The following ATP10A variants were observed in gnomAD, a reference collection of about 807,000 sequenced individuals.
ATP10A encodes the protein phospholipid-transporting ATPase VA.
A neutral mutation model predicts 147.8 loss-of-function variants in ATP10A; 111 were observed. That is an observed-to-expected ratio of 0.75 (90% CI 0.64 to 0.88). The LOEUF is 0.88. Among genes scored for constraint, ATP10A ranks in the 40% least tolerant of loss-of-function variants. The probability of loss-of-function intolerance (pLI) is 0.00; values close to 1 mark genes in which losing one functional copy is unlikely to be tolerated. For missense variants in ATP10A, 1,927 were observed against 1,959.0 expected (o/e 0.98, Z 0.31); for synonymous variants, 875 against 841.6 (o/e 1.04, Z -0.69).
rs114701060 is a variant in ATP10A at position 25,712,188 on chromosome 15, G to T, written c.2344+1486C>A. Among the ~76,000 whole-genome samples the T allele has an allele frequency of 5.4e-3, 822 of 152,366 alleles. 6 individuals carry two copies. The highest frequency in any genetic ancestry group is 0.019 in the African/African-American group (770 of 41,592). ...TTGGTAATTTTTTGGGGGGGACGGG[G>T]TGGAGTGTGAAATGTGGTCCTTCTT... is the stretch of plus-strand genomic sequence containing the variant. On this transcript the variant is annotated intron_variant, in intron 10 of 20. Coordinates refer to ENST00000555815, the MANE Select transcript of ATP10A (RefSeq NM_024490.4).
chr15:25,769,381 G>A (rs1236455091), intron 2 of ATP10A, among the ~76,000 whole-genome samples: 3 of 151,060 alleles, frequency 2.0e-5, no homozygotes, highest in African/African-American at 7.3e-5. Context: ...CAGCTACTCG[G>A]GAGGCTGAGG....
At chr15:25,806,968 G>C (rs12437514) in intron 1 of ATP10A, among the ~76,000 whole-genome samples, 81,942 of 152,046 alleles carry the variant, frequency 0.54, 23,382 homozygotes, top group East Asian at 0.8. Context: ...TCACACCATT[G>C]TGACCTCAGC....
intron 1 of ATP10A, among the ~76,000 whole-genome samples, chr15:25,832,722 G>T (rs761374910): frequency 6.6e-6 from 1 of 152,134 alleles, no homozygotes; most frequent in Non-Finnish European, 1.5e-5. Flanking sequence ...AACTACAGCT[G>T]GAGAGGAGGG....
chr15:25,714,345 C>T, intron 9 of ATP10A, 104 bp from the exon 10 acceptor site: 1 of 1,019,936 alleles, frequency 9.8e-7, no homozygotes, highest in Non-Finnish European at 1.4e-6. Context: ...GGAACAATGA[C>T]CTCGCTTCCC....
chr15:25,763,649 C>T (rs1888873099), intron 2 of ATP10A, among the ~76,000 whole-genome samples: 1 of 152,248 alleles, frequency 6.6e-6, no homozygotes, highest in African/African-American at 2.4e-5. Flanking sequence ...CAGCAAGACA[C>T]TGATTCTGCA....
chr15:25,797,867 G>A (rs987453136), intron 1 of ATP10A, among the ~76,000 whole-genome samples: 1 of 152,146 alleles, frequency 6.6e-6, no homozygotes, highest in Non-Finnish European at 1.5e-5. Context: ...ACCCTGGGCT[G>A]GCTCCTCGTC....
At chr15:25,804,115 T>G (rs1891063292) in intron 1 of ATP10A, among the ~76,000 whole-genome samples, 1 of 142,350 alleles carries the variant, frequency 7.0e-6, no homozygotes, top group Admixed American at 7.0e-5. Context: ...TGCCTGTGAG[T>G]GTGCGGTGTG....
chr15:25,774,720 A>G (rs1889523275), intron 2 of ATP10A, among the ~76,000 whole-genome samples: 1 of 152,194 alleles, frequency 6.6e-6, no homozygotes, highest in Non-Finnish European at 1.5e-5. Flanking sequence ...GGCCAAACTT[A>G]TATTGCCATG....
chr15:25,786,613 T>C (rs1376415292), intron 1 of ATP10A, among the ~76,000 whole-genome samples: 3 of 126,530 alleles, frequency 2.4e-5, no homozygotes, highest in African/African-American at 5.9e-5. Context: ...GACATCATTA[T>C]CATCTTTTTT....
Position 25,680,308 on chromosome 15 carries a change from T to C in ATP10A, c.3679A>G (p.Thr1227Ala). 6.2e-7 allele frequency: 1 copy of C among 1,613,558 alleles called. No individual in the cohort carries two copies. Among genetic ancestry groups the C allele is most frequent in the Non-Finnish European group, 8.5e-7 (1 of 1,179,706 alleles). ...CCACACGTTATCCAGTTGAGCCAGG[T>C]CTGAGGGGGAATGAGAAAGAAAGGG... ...LHLGIETKTW[T>A]WLNWITCGFS... Residue 1227 changes from threonine (T) to alanine (A), a missense_variant and splice_region_variant, in exon 20 of 21, where the codon ACC becomes GCC. Transcript: ENST00000555815.
At chr15:25,818,487 C>T (rs751785327) in intron 1 of ATP10A, among the ~76,000 whole-genome samples, 4 of 152,058 alleles carry the variant, frequency 2.6e-5, no homozygotes, top group African/African-American at 4.8e-5. Flanking sequence ...GTTCCATGTT[C>T]GTGGACCAGA....
intron 13 of ATP10A, among the ~76,000 whole-genome samples, chr15:25,695,548 G>T (rs1488692080): frequency 6.6e-6 from 1 of 152,176 alleles, no homozygotes; most frequent in Non-Finnish European, 1.5e-5. Context: ...AGAATGGCAT[G>T]AACCTGGGAG....
intron 1 of ATP10A, among the ~76,000 whole-genome samples, chr15:25,815,053 T>C (rs61991503): frequency 0.17 from 25,999 of 152,132 alleles, 2,359 homozygotes; most frequent in South Asian, 0.22. Context: ...CCCAACAGAA[T>C]GTCCTGCTGG....
At chr15:25,746,976 TC>T (rs1350526456) in intron 2 of ATP10A, among the ~76,000 whole-genome samples, 1 of 152,144 alleles carries the variant, frequency 6.6e-6, no homozygotes, top group African/African-American at 2.4e-5. Flanking sequence ...CTGAAAAACT[TC>T]TTGTCTTAAG....
At position 25,695,129 on chromosome 15, in the gene ATP10A, C is replaced by T; in HGVS notation, c.2778G>A (p.Leu926=). 5.0e-6 allele frequency: 8 copies of T among 1,611,430 alleles called. 1 individual carries two copies. The South Asian group carries it at 8.8e-5, about 18-fold the overall frequency. ...GCACGTAGCATAGGCACTGGTCTAG[C>T]AGGGCTGCACACGCCTCCTGAAAGG... ...NATSQEACAA[L]LDQCLCYVQS... is the part of the protein sequence containing the mutation. The change falls in exon 14 of 21, where the codon CTG becomes CTA. Residue 926 remains leucine (L), a synonymous_variant. Coordinates refer to ENST00000555815, the MANE Select transcript of ATP10A (RefSeq NM_024490.4).
downstream of ATP10A, among the ~76,000 whole-genome samples, chr15:25,676,229 C>G (rs1899133467): frequency 6.6e-6 from 1 of 152,144 alleles, no homozygotes; most frequent in South Asian, 2.1e-4. Context: ...ACCGAAGGCA[C>G]AGATACGATG....
intron 1 of ATP10A, among the ~76,000 whole-genome samples, chr15:25,782,388 C>T (rs181049466): frequency 6.6e-6 from 1 of 152,168 alleles, no homozygotes; most frequent in Admixed American, 6.5e-5. Flanking sequence ...GAATGGTACA[C>T]TTAAAAATAG....
At chr15:25,858,442 A>C (rs28393015) in intron 1 of ATP10A, among the ~76,000 whole-genome samples, 36,516 of 151,998 alleles carry the variant, frequency 0.24, 4,758 homozygotes, top group South Asian at 0.37. Context: ...GGCACGGAGA[A>C]GGAGTAGGAG....
At chr15:25,804,295 G>A (rs1022764911) in intron 1 of ATP10A, among the ~76,000 whole-genome samples, 2 of 150,382 alleles carry the variant, frequency 1.3e-5, no homozygotes, top group Non-Finnish European at 3.0e-5. Context: ...TGTGGTGTGT[G>A]AGTGTTCGTG....
Sources: gnomAD v4.1 joint callset for allele counts (sites outside exome capture counted in the v4.1 genomes callset) on GRCh38, gnomAD v4.1.1 for gene constraint, MANE v1.5 for transcripts, NCBI Gene and HGNC (gene_info 2026-07-23, HGNC 2026-07-21) for gene names.